The following LUC7L3 variants were observed in gnomAD, a reference collection of about 807,000 sequenced individuals.
LUC7L3 encodes the protein luc7-like protein 3.
Under a neutral mutation model 66.8 loss-of-function variants are expected in LUC7L3, and 6 were observed. That is an observed-to-expected ratio of 0.09 (90% CI 0.05 to 0.18). LUC7L3 has a LOEUF of 0.18. Ranked by LOEUF, LUC7L3 falls within the 10% of genes least tolerant of loss-of-function variation. LUC7L3 has a pLI of 1.00. For synonymous variants in LUC7L3, 160 were observed against 174.7 expected, an observed-to-expected ratio of 0.92 and a Z score of 0.66; for missense variants, 341 against 531.1, an observed-to-expected ratio of 0.64 and a Z score of 3.52.
rs1970688621 is a variant in LUC7L3 at position 50,746,683 on chromosome 17, T to C, written c.1119T>C (p.Asp373=). The change falls in exon 9 of 10, where the codon GAT becomes GAC. Residue 373 remains aspartate, a synonymous_variant. Coordinates refer to ENST00000505658, the MANE Select transcript of LUC7L3 (RefSeq NM_016424.5). ...GCAAAAGTCGGGACAGAGAACAAGA[T>C]AGAAAATCCAAGGAGAAAGGTTAGT... ...HRSKSRDREQ[D]RKSKEKEKRG... is the part of the protein sequence containing the mutation. The C allele has an allele frequency of 6.2e-7, 1 of 1,613,172 alleles. No homozygotes were observed. Among genetic ancestry groups the C allele is most frequent in the Non-Finnish European group, 8.5e-7 (1 of 1,179,746 alleles).
intron 2 of LUC7L3, chr17:50,737,549 G>T (rs1970056631): frequency 4.3e-6 from 1 of 230,468 alleles, no homozygotes; most frequent in African/African-American, 2.3e-5. Context: ...CTAGTTCAGG[G>T]TTTCTCAACC....
At chr17:50,740,794 A>G (rs532336281) in intron 3 of LUC7L3, among the ~76,000 whole-genome samples, 2 of 152,262 alleles carry the variant, frequency 1.3e-5, no homozygotes, top group East Asian at 1.9e-4. Context: ...TGCTGACCTC[A>G]AGTGATCCAC....
chr17:50,733,398 GTTTTTTTT>G (rs35236108), intron 1 of LUC7L3, among the ~76,000 whole-genome samples: 2 of 98,330 alleles, frequency 2.0e-5, no homozygotes, highest in Non-Finnish European at 3.8e-5. Flanking sequence ...CGCCTGGCTA[GTTTTTTTT>G]TTTTTTTTTT....
At chr17:50,733,591 CG>C (rs1159148489) in intron 1 of LUC7L3, among the ~76,000 whole-genome samples, 3 of 151,798 alleles carry the variant, frequency 2.0e-5, no homozygotes, top group African/African-American at 7.3e-5. Flanking sequence ...TTAGTAGAGA[CG>C]GGGTTTCACC....
rs73989836 is a variant in LUC7L3 at position 50,737,496 on chromosome 17, G to C, written c.166+470G>C. The C allele has an allele frequency of 4.6e-3, 1,389 of 303,114 alleles. 16 individuals carry two copies. The highest frequency in any genetic ancestry group is 0.029 in the African/African-American group (1,292 of 44,778). The allele number at this position is 303,114 out of a possible 1,614,324, so 18.8% of individuals were successfully genotyped here. ...AGGCACCAGGTACCACAGAAGGCAG[G>C]GTTGAGTCATGGGGCTGAAAATGAG... On this transcript the variant is annotated intron_variant, in intron 2 of 9. Transcript: ENST00000505658.
In LUC7L3 at chr17:50,736,977, CTG is replaced by C. The variant is rs1340595814; in HGVS notation, c.120_121del (p.Cys40TrpfsTer14). 6.2e-7 allele frequency: 1 copy of C among 1,609,932 alleles called. No individual in the cohort carries two copies. Among genetic ancestry groups the C allele is most frequent in the African/African-American group, 1.3e-5 (1 of 74,904 alleles). ...TTTACTAGGTTTGTAAATATTATCTCTGTGGTTTTTGTCCTGCGGAATTGTTC... is the reference window on the plus strand; with the variant it reads ...TTTACTAGGTTTGTAAATATTATCTCTGGTTTTTGTCCTGCGGAATTGTTC... ...DHESVCKYYL[C>X]GFCPAELFTN... On this transcript the variant is annotated frameshift_variant, in exon 2 of 10. Coordinates refer to ENST00000505658, the MANE Select transcript of LUC7L3 (RefSeq NM_016424.5). LOFTEE classifies it high-confidence loss of function.
intron 1 of LUC7L3, chr17:50,736,630 A>G (rs969968181): frequency 1.0e-4 from 25 of 248,394 alleles, no homozygotes; most frequent in Admixed American, 2.1e-4. Flanking sequence ...AAATGATAAG[A>G]ATAGCGTAAG....
At chr17:50,750,419 C>T in intron 9 of LUC7L3, 82 bp from the exon 10 acceptor site, 4 of 1,293,680 alleles carry the variant, frequency 3.1e-6, no homozygotes, top group Non-Finnish European at 3.2e-6. Context: ...TCTCATCTCT[C>T]AGTTGTTTCA....
At chr17:50,719,918 T>G in intron 1 of LUC7L3, 87 bp downstream of exon 1, 2 of 1,295,738 alleles carry the variant, frequency 1.5e-6, no homozygotes, top group Non-Finnish European at 2.1e-6. Flanking sequence ...CGCGGCGCGA[T>G]GTGGCCAGGG....
At chr17:50,726,754 A>G (rs79775633) in intron 1 of LUC7L3, among the ~76,000 whole-genome samples, 3 of 152,090 alleles carry the variant, frequency 2.0e-5, no homozygotes, top group Non-Finnish European at 4.4e-5. Flanking sequence ...TTTTTTCCCT[A>G]AACATTCTAC....
chr17:50,719,902 C>T (rs1157086381), intron 1 of LUC7L3, 71 bp downstream of exon 1: 5 of 1,430,206 alleles, frequency 3.5e-6, no homozygotes, highest in Non-Finnish European at 4.7e-6. Context: ...CTGTGGCCCT[C>T]CTGGCCGCGG....
At chr17:50,750,249 A>G (rs781312559) in intron 9 of LUC7L3, among the ~76,000 whole-genome samples, 8 of 152,142 alleles carry the variant, frequency 5.3e-5, no homozygotes, top group East Asian at 1.9e-4. Flanking sequence ...ATATTCTGCA[A>G]TGTGCTTAAT....
rs529034497 is a variant in LUC7L3, at chr17:50,742,934, C to G, written c.427-772C>G. On this transcript the variant is annotated intron_variant, in intron 5 of 9. Coordinates refer to ENST00000505658, the MANE Select transcript of LUC7L3 (RefSeq NM_016424.5). ...GCTACATGAGACAATATGGGTGGAT[C>G]TTAAAATAATTAGGCTGAGTGAAAG... Among the ~76,000 whole-genome samples the G allele has an allele frequency of 9.4e-4, 143 of 152,252 alleles. 1 individual carries two copies. Among genetic ancestry groups the G allele is most frequent in the African/African-American group, 3.3e-3 (138 of 41,554 alleles).
At chr17:50,743,315 C>CA (rs1232702177) in intron 5 of LUC7L3, among the ~76,000 whole-genome samples, 1 of 152,132 alleles carries the variant, frequency 6.6e-6, no homozygotes, top group Non-Finnish European at 1.5e-5. Flanking sequence ...TCTTCTGCCT[C>CA]AGTCTCCCCA....
rs779940464 is a variant in LUC7L3, at chr17:50,741,156, A to G, written c.261A>G (p.Arg87=). The G allele has an allele frequency of 2.5e-6, 4 of 1,614,210 alleles. No individual in the cohort carries two copies. Among genetic ancestry groups the G allele is most frequent in the African/African-American group, 1.3e-5 (1 of 75,068 alleles). ...MKVGYERDFL[R]YLQSLLAEVE... is the part of the protein sequence containing the mutation. ...TTGGCTATGAGAGAGATTTTTTGCG[A>G]TACTTACAGAGCTTACTTGCAGAAG... is the stretch of plus-strand genomic sequence containing the variant. Residue 87 remains arginine, a synonymous_variant, in exon 4 of 10, where the codon CGA becomes CGG. Coordinates refer to ENST00000505658, the MANE Select transcript of LUC7L3 (RefSeq NM_016424.5).
chr17:50,751,784 A>G lies in LUC7L3; in HGVS notation c.*1123A>G, dbSNP rs1970984080. On this transcript the variant is annotated 3_prime_UTR_variant, in exon 10 of 10. Coordinates refer to ENST00000505658, the MANE Select transcript of LUC7L3 (RefSeq NM_016424.5). Reference sequence around the variant, plus strand: ...TGAATAGCAAGGACAGACACCTTCAATTTGTGAAATCAAAGAACTGATGCA... The same window carrying G: ...TGAATAGCAAGGACAGACACCTTCAGTTTGTGAAATCAAAGAACTGATGCA... 5 of 1,018,130 alleles carry G rather than the reference A, an allele frequency of 4.9e-6. No homozygotes were observed. The highest frequency in any genetic ancestry group is 5.3e-5 in the Admixed American group (1 of 18,786). 63.1% of individuals were successfully genotyped at this position (1,018,130 alleles called of 1,614,324 possible). A position where few individuals can be genotyped will look rare whatever the true frequency, so the allele number is the denominator to read the frequency against.
chr17:50,731,286 A>G (rs1969590925), intron 1 of LUC7L3, among the ~76,000 whole-genome samples: 1 of 152,118 alleles, frequency 6.6e-6, no homozygotes, highest in Admixed American at 6.5e-5. Flanking sequence ...CTCCCACCTC[A>G]GCCTCCCAAG....
At chr17:50,722,806 A>G (rs2146683286) in intron 1 of LUC7L3, 1 of 152,304 alleles carries the variant, frequency 6.6e-6, no homozygotes, top group African/African-American at 2.4e-5. Context: ...AGGCATTTCC[A>G]ACTTTGTAGA....
In LUC7L3 at chr17:50,741,234, G is replaced by T; in HGVS notation, c.339G>T (p.Gln113His). Residue 113 changes from glutamine (Q) to histidine (H), a missense_variant, in exon 4 of 10, where the codon CAG becomes CAT. Coordinates refer to ENST00000505658, the MANE Select transcript of LUC7L3 (RefSeq NM_016424.5). ...GHARLALSQN[Q>H]QSSGAAGPTG... ...CTCGTTTGGCATTATCTCAAAACCAGCAGTCTTCTGGGGTAAGTGAAGTCA... is the reference window on the plus strand; with the variant it reads ...CTCGTTTGGCATTATCTCAAAACCATCAGTCTTCTGGGGTAAGTGAAGTCA... The T allele has an allele frequency of 6.2e-7, 1 of 1,614,110 alleles. No individual in the cohort carries two copies. The highest frequency in any genetic ancestry group is 1.1e-5 in the South Asian group (1 of 91,068).
Sources: allele counts gnomAD v4.1 joint callset (sites outside exome capture counted in the v4.1 genomes callset), GRCh38; gene constraint gnomAD v4.1.1; transcripts MANE v1.5; gene names NCBI Gene and HGNC (gene_info 2026-07-23, HGNC 2026-07-21).